The following MYO10 variants were observed in gnomAD, a reference collection of about 807,000 sequenced individuals.
MYO10 encodes the protein myosin X, also known as unconventional myosin-X.
In MYO10, 133 loss-of-function variants were observed where a neutral mutation model predicts 257.3. That is an observed-to-expected ratio of 0.52 (90% CI 0.45 to 0.60). MYO10 has a LOEUF of 0.60. MYO10 is among the 20% of genes least tolerant of loss of function. MYO10 has a pLI of 0.00. For synonymous variants in MYO10, 1,104 were observed against 1,028.6 expected (o/e 1.07, Z -1.40); for missense variants, 2,399 against 2,635.7 (o/e 0.91, Z 1.97).
chr5:16,910,115 G>T lies in MYO10; in HGVS notation c.21+25673C>A, dbSNP rs116804004. On this transcript the variant is annotated intron_variant, in intron 1 of 40. Transcript: ENST00000513610. ...CAACAAAAATGGACTAAGATAACAG[G>T]TATGGGTTTTATTTAGGGGTATTGA... is the stretch of plus-strand genomic sequence containing the variant. Among the ~76,000 whole-genome samples the T allele has an allele frequency of 2.0e-3, 310 of 152,224 alleles. 2 individuals carry two copies. Among genetic ancestry groups the T allele is most frequent in the African/African-American group, 6.9e-3 (288 of 41,548 alleles).
chr5:16,701,009 T>TTG lies in MYO10; in HGVS notation c.3384_3385dup (p.Asn1129ThrfsTer57). On this transcript the variant is annotated frameshift_variant, in exon 25 of 41. Transcript: ENST00000513610. LOFTEE classifies it high-confidence loss of function. This position sits in a 1 kb window ranked among gnomAD's most constrained non-coding sequence, Gnocchi z 8.1. ...GCTGAACCGGTAGGCACCCGAGCTG[T>TTG]TGTAGGTCCCCACAGAGCAGCGGTA... The TTG allele has an allele frequency of 6.4e-7, 1 of 1,561,492 alleles. No homozygotes were observed. The highest frequency in any genetic ancestry group is 8.7e-7 in the Non-Finnish European group (1 of 1,152,904).
At chr5:16,868,397 G>A (rs989421154) in intron 2 of MYO10, among the ~76,000 whole-genome samples, 3 of 152,280 alleles carry the variant, frequency 2.0e-5, no homozygotes, top group South Asian at 2.1e-4. Flanking sequence ...AAGGTCAGGA[G>A]ATCAAGACCA....
chr5:16,763,870 C>G, intron 12 of MYO10, 115 bp from the exon 13 acceptor site: 1 of 714,320 alleles, frequency 1.4e-6, no homozygotes, highest in Non-Finnish European at 2.4e-6. Context: ...TGTTGTCTGG[C>G]ACAGTGGCTC....
At chr5:16,895,432 G>C (rs1218170779) in intron 1 of MYO10, among the ~76,000 whole-genome samples, 1 of 152,146 alleles carries the variant, frequency 6.6e-6, no homozygotes, top group Non-Finnish European at 1.5e-5. Flanking sequence ...GCCAAGGAAG[G>C]AAAGTTCCTC....
chr5:16,900,424 T>C (rs778891927), intron 1 of MYO10, among the ~76,000 whole-genome samples: 3 of 152,258 alleles, frequency 2.0e-5, no homozygotes, highest in Non-Finnish European at 1.5e-5. Flanking sequence ...TTAGACACTG[T>C]AGTGTGCCTG....
chr5:16,745,725 G>T (rs571516260), intron 19 of MYO10, among the ~76,000 whole-genome samples: 4 of 152,202 alleles, frequency 2.6e-5, no homozygotes, highest in Admixed American at 2.0e-4. Context: ...AATTAAAAAA[G>T]CACCTGGCTA....
intron 10 of MYO10, 73 bp downstream of exon 10, chr5:16,769,001 C>T (rs1016405940): frequency 2.7e-6 from 4 of 1,500,424 alleles, no homozygotes; most frequent in Admixed American, 4.4e-5. Flanking sequence ...AAAGGCTAGA[C>T]AGTCAATAAT....
chr5:16,923,826 G>A (rs112360233), intron 1 of MYO10, among the ~76,000 whole-genome samples: 170 of 152,166 alleles, frequency 1.1e-3, no homozygotes, highest in African/African-American at 4.0e-3. Context: ...GCGATGGCTT[G>A]CACTTATAAT....
intron 19 of MYO10, among the ~76,000 whole-genome samples, chr5:16,732,653 T>G (rs753790164): frequency 4.6e-5 from 7 of 152,120 alleles, no homozygotes; most frequent in Non-Finnish European, 1.0e-4. Context: ...ACTAAAGCAC[T>G]TACACGATCA....
intron 2 of MYO10, among the ~76,000 whole-genome samples, chr5:16,831,605 G>C (rs1357696034): frequency 1.3e-5 from 2 of 152,182 alleles, no homozygotes; most frequent in Non-Finnish European, 2.9e-5. Context: ...ATTATTCTAA[G>C]TGAAGTAACT....
At chr5:16,934,462 G>A (rs1746379071) in intron 1 of MYO10, among the ~76,000 whole-genome samples, 1 of 152,238 alleles carries the variant, frequency 6.6e-6, no homozygotes, top group Non-Finnish European at 1.5e-5. Flanking sequence ...TGTAGCCCGA[G>A]GGTCCTTTAC....
At chr5:16,736,801 A>G (rs1392892969) in intron 19 of MYO10, among the ~76,000 whole-genome samples, 1 of 152,232 alleles carries the variant, frequency 6.6e-6, no homozygotes, top group African/African-American at 2.4e-5. Context: ...CACAATTAGC[A>G]TAGTAACAAT....
chr5:16,763,415 C>T (rs955767175), intron 14 of MYO10, 66 bp downstream of exon 14: 1 of 1,256,990 alleles, frequency 8.0e-7, no homozygotes, highest in African/African-American at 1.5e-5. Flanking sequence ...TATTTTGTTC[C>T]CATAAATATG....
intron 25 of MYO10, 55 bp downstream of exon 25, chr5:16,700,908 G>C: frequency 6.7e-7 from 1 of 1,484,620 alleles, no homozygotes; most frequent in Non-Finnish European, 9.0e-7. Flanking sequence ...GGATGCAACA[G>C]GGGTGGGTGT....
intron 2 of MYO10, among the ~76,000 whole-genome samples, chr5:16,837,500 G>C (rs1376904589): frequency 6.6e-6 from 1 of 152,150 alleles, no homozygotes; most frequent in Non-Finnish European, 1.5e-5. Context: ...CTGCTAACAG[G>C]TACAAGGTTT....
At chr5:16,787,917 C>T (rs62369310) in intron 4 of MYO10, among the ~76,000 whole-genome samples, 39,013 of 152,030 alleles carry the variant, frequency 0.26, 6,284 homozygotes, top group Non-Finnish European at 0.36. Context: ...TCCTGCCTCC[C>T]GAGTAGCTGG....
chr5:16,700,915 G>A (rs946877712), intron 25 of MYO10, 48 bp downstream of exon 25: 8 of 1,498,438 alleles, frequency 5.3e-6, no homozygotes, highest in Non-Finnish European at 7.2e-6. Context: ...ACAGGGGTGG[G>A]TGTGACCGGC....
chr5:16,860,430 G>C (rs781482372), intron 2 of MYO10, among the ~76,000 whole-genome samples: 1 of 152,028 alleles, frequency 6.6e-6, no homozygotes, highest in Non-Finnish European at 1.5e-5. Context: ...AAAATCATTC[G>C]GGCAACTCGT....
At chr5:16,702,873 C>T (rs1738148428) in intron 23 of MYO10, 52 bp downstream of exon 23, 10 of 1,478,930 alleles carry the variant, frequency 6.8e-6, no homozygotes, top group East Asian at 4.9e-5. Flanking sequence ...ATACCGAGCA[C>T]AGCACTCAAA....
Sources: allele counts gnomAD v4.1 joint callset (sites outside exome capture counted in the v4.1 genomes callset), GRCh38; gene constraint gnomAD v4.1.1; non-coding constraint Gnocchi (gnomAD v3.1); transcripts MANE v1.5; gene names NCBI Gene and HGNC (gene_info 2026-07-23, HGNC 2026-07-21).